TARS3: variants seen among roughly 807,000 people sequenced by gnomAD.
TARS3 encodes the protein threonyl-tRNA synthetase 3.
In TARS3, 94 loss-of-function variants were observed where a neutral mutation model predicts 103.5. That is an observed-to-expected ratio of 0.91 (90% confidence interval 0.77 to 1.08). The LOEUF (loss-of-function observed/expected upper bound fraction) is 1.08. Ranked by LOEUF, TARS3 falls within the 50% of genes least tolerant of loss-of-function variation. TARS3 has a pLI of 0.00. For synonymous variants in TARS3, 416 were observed against 355.4 expected (o/e 1.17, Z -1.92); for missense variants, 952 against 995.2 (o/e 0.96, Z 0.58).
intron 15 of TARS3, among the ~76,000 whole-genome samples, chr15:101,662,496 AAAAC>A (rs1327549955): frequency 1.3e-5 from 2 of 152,214 alleles, no homozygotes; most frequent in African/African-American, 4.8e-5. Flanking sequence ...ATAATAAAAT[AAAAC>A]AAACAAAAAC....
intron 12 of TARS3, among the ~76,000 whole-genome samples, chr15:101,677,950 G>A (rs1272350266): frequency 6.6e-6 from 1 of 151,214 alleles, no homozygotes; most frequent in Non-Finnish European, 1.5e-5. Flanking sequence ...GCTTTTAATT[G>A]GCATATCATG....
At chr15:101,702,497 T>C in intron 8 of TARS3, 112 bp from the exon 9 acceptor site, 3 of 878,402 alleles carry the variant, frequency 3.4e-6, no homozygotes, top group Non-Finnish European at 5.5e-6. Context: ...CAGCCCTGCA[T>C]GGTGGCTCAT....
chr15:101,721,739 C>A (rs546002702), intron 2 of TARS3, among the ~76,000 whole-genome samples: 1 of 152,308 alleles, frequency 6.6e-6, no homozygotes, highest in African/African-American at 2.4e-5. Context: ...AAATGATTTA[C>A]CTGCCTTGGC....
chr15:101,677,489 C>T (rs1567331843), intron 12 of TARS3, among the ~76,000 whole-genome samples: 1 of 145,104 alleles, frequency 6.9e-6, no homozygotes, highest in South Asian at 2.2e-4. Context: ...ATCAGCTTTC[C>T]TAGTTCTCCA....
At chr15:101,706,988 C>A (rs1423424970) in intron 6 of TARS3, among the ~76,000 whole-genome samples, 1 of 152,032 alleles carries the variant, frequency 6.6e-6, no homozygotes. Flanking sequence ...TACAAAAAAA[C>A]CTAATTAAAA....
At chr15:101,679,304 GCT>G (rs1370079493) in intron 12 of TARS3, among the ~76,000 whole-genome samples, 4 of 152,028 alleles carry the variant, frequency 2.6e-5, no homozygotes, top group African/African-American at 9.7e-5. Flanking sequence ...CTGTTCTCAG[GCT>G]CTGTTCTTTT....
At chr15:101,719,429 A>T (rs946581004) in intron 3 of TARS3, among the ~76,000 whole-genome samples, 3 of 152,182 alleles carry the variant, frequency 2.0e-5, no homozygotes, top group Admixed American at 6.5e-5. Flanking sequence ...ATGTTGAAAG[A>T]AGAGTACCCA....
chr15:101,658,722 T>G (rs1897270202), intron 16 of TARS3, among the ~76,000 whole-genome samples: 1 of 152,222 alleles, frequency 6.6e-6, no homozygotes, highest in Non-Finnish European at 1.5e-5. Context: ...TTGGCTGTGA[T>G]ATTGTATCTA....
Position 101,724,165 on chromosome 15 carries a change from G to A in TARS3, c.223C>T (p.Leu75Phe), listed in dbSNP as rs772795932. Residue 75 changes from leucine to phenylalanine, a missense_variant, in exon 1 of 19, where the codon CTC (leucine) becomes TTC (phenylalanine). Leu to Phe is a conservative substitution (Grantham distance 22, BLOSUM62 0). Coordinates refer to ENST00000335968, the MANE Select transcript of TARS3 (RefSeq NM_152334.3). ...GCCTGGCGGCTCCGCTCCTCGGCGA[G>A]GCACAGCCGCAGGCTGCACAGGCGG... ...RHRLCSLRLCLAEERSRQATL... is the reference protein window; with the variant it reads ...RHRLCSLRLCFAEERSRQATL... The A allele has an allele frequency of 4.0e-6, 6 of 1,487,946 alleles. No individual in the cohort carries two copies. The highest frequency in any genetic ancestry group is 1.3e-5 in the South Asian group (1 of 79,158). The allele number at this position is 1,487,946 out of a possible 1,614,324, so 92.2% of individuals were successfully genotyped here. A position where few individuals can be genotyped will look rare whatever the true frequency, so the allele number is the denominator to read the frequency against.
intron 3 of TARS3, among the ~76,000 whole-genome samples, chr15:101,717,777 C>G (rs1900229913): frequency 6.6e-6 from 1 of 152,228 alleles, no homozygotes; most frequent in African/African-American, 2.4e-5. Context: ...TGGCCACCCA[C>G]GTCTAGACTG....
In TARS3 at chr15:101,724,156, C is replaced by G; in HGVS notation, c.232G>C (p.Glu78Gln). 6.8e-7 allele frequency: 1 copy of G among 1,475,614 alleles called. No individual in the cohort carries two copies. The highest frequency in any genetic ancestry group is 9.0e-7 in the Non-Finnish European group (1 of 1,114,800). The allele number at this position is 1,475,614 out of a possible 1,614,324, so 91.4% of individuals were successfully genotyped here. ...LCSLRLCLAE[E>Q]RSRQATLESA... ...TCCAGCGTGGCCTGGCGGCTCCGCT[C>G]CTCGGCGAGGCACAGCCGCAGGCTG... The change falls in exon 1 of 19, where the codon GAG becomes CAG. Residue 78 changes from glutamate to glutamine, a missense_variant. Glu to Gln is a conservative substitution (Grantham distance 29, BLOSUM62 2). This residue lies in a region of TARS3 where 412 missense variants were observed against 364.2 expected (regional missense o/e 1.13). Coordinates refer to ENST00000335968, the MANE Select transcript of TARS3 (RefSeq NM_152334.3).
chr15:101,659,845 A>C (rs546885357), intron 16 of TARS3, among the ~76,000 whole-genome samples: 3 of 152,214 alleles, frequency 2.0e-5, no homozygotes, highest in Non-Finnish European at 4.4e-5. Flanking sequence ...CTATGATCAC[A>C]AAATATCAGG....
At chr15:101,717,137 G>A (rs1900197384) in intron 3 of TARS3, among the ~76,000 whole-genome samples, 1 of 152,164 alleles carries the variant, frequency 6.6e-6, no homozygotes, top group Non-Finnish European at 1.5e-5. Context: ...CATTACAGAT[G>A]TGAGCCACCG....
At chr15:101,698,030 T>G (rs1899065059) in intron 10 of TARS3, among the ~76,000 whole-genome samples, 1 of 152,182 alleles carries the variant, frequency 6.6e-6, no homozygotes, top group African/African-American at 2.4e-5. Context: ...CAGGAAGGAA[T>G]CAGGTTGAGA....
chr15:101,654,323 G>T lies in TARS3; in HGVS notation c.*259C>A. 1 of 366,300 alleles carries T rather than the reference G, an allele frequency of 2.7e-6. No individual in the cohort carries two copies. The allele number at this position is 366,300 out of a possible 1,614,324, so 22.7% of individuals were successfully genotyped here. On this transcript the variant is annotated 3_prime_UTR_variant, in exon 19 of 19. Transcript: ENST00000335968. ...TAGTGTTTTGTTTCACTTTCTCGAT[G>T]AATAATATTTCCCCATTTAAGTTTC...
At chr15:101,723,021 A>C in intron 2 of TARS3, 72 bp downstream of exon 2, 6 of 1,324,960 alleles carry the variant, frequency 4.5e-6, no homozygotes, top group Non-Finnish European at 5.4e-6. Flanking sequence ...TGGAAATCCT[A>C]GGTAATTAAC....
chr15:101,655,397 T>C (rs1397016010), intron 18 of TARS3, among the ~76,000 whole-genome samples: 6 of 114,974 alleles, frequency 5.2e-5, no homozygotes, highest in East Asian at 2.8e-4. Flanking sequence ...TCACAGTGAC[T>C]CCACCTGGCA....
chr15:101,686,213 TG>T, intron 10 of TARS3, 151 bp from the exon 11 acceptor site: 1 of 625,696 alleles, frequency 1.6e-6, no homozygotes, highest in South Asian at 2.8e-5. Flanking sequence ...TGGTGGTTTC[TG>T]GATCTTGGAA....
At chr15:101,686,501 A>G (rs1898481140) in intron 10 of TARS3, among the ~76,000 whole-genome samples, 2 of 152,166 alleles carry the variant, frequency 1.3e-5, no homozygotes, top group African/African-American at 4.8e-5. Flanking sequence ...TTAGTGTATA[A>G]CGATTTAAGT....
Sources: gnomAD v4.1 joint callset for allele counts (sites outside exome capture counted in the v4.1 genomes callset) on GRCh38, gnomAD v4.1.1 for gene constraint, gnomAD v4.1.1 regional missense constraint, MANE v1.5 for transcripts, NCBI Gene and HGNC (gene_info 2026-07-23, HGNC 2026-07-21) for gene names.